Variants in RIMS2 observed in about 807,000 individuals in gnomAD.
RIMS2 encodes the protein regulating synaptic membrane exocytosis protein 2.
RIMS2 carries 59 observed loss-of-function variants against 174.4 expected under a neutral mutation model. That is an observed-to-expected ratio of 0.34 (90% CI 0.27 to 0.42). RIMS2 has a LOEUF of 0.42. Among genes scored for constraint, RIMS2 ranks in the 10% least tolerant of loss-of-function variants. The pLI, the probability that RIMS2 is intolerant of heterozygous loss-of-function variation, is 1.00. For missense variants in RIMS2, 1,620 were observed against 1,666.3 expected (o/e 0.97, Z 0.48); for synonymous variants, 606 against 572.5 (o/e 1.06, Z -0.84).
intron 1 of RIMS2, among the ~76,000 whole-genome samples, chr8:103,635,918 G>T (rs555968690): frequency 8.6e-5 from 13 of 150,712 alleles, no homozygotes; most frequent in Non-Finnish European, 1.5e-4. Context: ...TTGGGCAGGG[G>T]GTAGTTGGAG....
chr8:103,629,635 A>G (rs923832450), intron 1 of RIMS2, among the ~76,000 whole-genome samples: 2 of 152,256 alleles, frequency 1.3e-5, no homozygotes, highest in Non-Finnish European at 2.9e-5. Context: ...TTCAATTCCA[A>G]TGAAAAAATA....
chr8:103,527,904 C>G (rs965028093), intron 1 of RIMS2, among the ~76,000 whole-genome samples: 4 of 152,168 alleles, frequency 2.6e-5, no homozygotes, highest in South Asian at 2.1e-4. Flanking sequence ...GGGTATATAC[C>G]CAGTAACGGG....
At chr8:104,103,108 C>A (rs191346760) in intron 19 of RIMS2, among the ~76,000 whole-genome samples, 1 of 151,544 alleles carries the variant, frequency 6.6e-6, no homozygotes, top group Non-Finnish European at 1.5e-5. Context: ...GCAAAACTTA[C>A]GCTAAGTAAA....
At chr8:103,912,791 G>C (rs932476088) in intron 6 of RIMS2, among the ~76,000 whole-genome samples, 1 of 151,774 alleles carries the variant, frequency 6.6e-6, no homozygotes, top group African/African-American at 2.4e-5. Context: ...TTTGTTTTTT[G>C]TGCATGTAGT....
chr8:103,879,850 A>T lies in RIMS2; in HGVS notation c.699-5448A>T, dbSNP rs1044041227. ...GAGTAGTAATATTAGTATCCAGATAACTGGCTTTTGCTAGGAAGGAATTTG... is the reference window on the plus strand; with the variant it reads ...GAGTAGTAATATTAGTATCCAGATATCTGGCTTTTGCTAGGAAGGAATTTG... On this transcript the variant is annotated intron_variant, in intron 3 of 23. Transcript: ENST00000504942. Among the ~76,000 whole-genome samples the T allele has an allele frequency of 2.0e-5, 3 of 151,658 alleles. No homozygotes were observed. In the South Asian group the frequency reaches 6.2e-4, roughly 31 times the overall value.
In RIMS2 at chr8:104,251,627, G is replaced by A. The variant is rs200286153; in HGVS notation, c.3857G>A (p.Arg1286His). The stretch of plus-strand genomic sequence containing the variant: ...ATCATCGTCTGGGGAGATTATGGCC[G>A]CATGGATCACAAATCTTTTATGGGA... The change falls in exon 24 of 24, where the codon CGC becomes CAC. Residue 1286 changes from arginine (R) to histidine (H), a missense_variant. Arg to His is a conservative substitution (Grantham distance 29). This residue lies in a region of RIMS2 where 225 missense variants were observed against 306.2 expected (regional missense o/e 0.73). Coordinates refer to ENST00000504942, the Ensembl canonical transcript of RIMS2. 3.0e-5 allele frequency: 48 copies of A among 1,603,688 alleles called. No individual in the cohort carries two copies. Among genetic ancestry groups the A allele is most frequent in the African/African-American group, 2.8e-4 (21 of 74,756 alleles).
rs117461719 is a variant in RIMS2 at position 103,859,347 on chromosome 8, T to C, written c.699-25951T>C. Among the ~76,000 whole-genome samples, 745 of 152,190 alleles carry C rather than the reference T, an allele frequency of 4.9e-3. 2 individuals carry two copies. Among genetic ancestry groups the C allele is most frequent in the South Asian group, 9.3e-3 (45 of 4,824 alleles). ...CTAGTGGAGAATGCAGAAGCTTTCT[T>C]CTCCCTTTTCCACCACTTTGGGGAG... On this transcript the variant is annotated intron_variant, in intron 3 of 23. Transcript: ENST00000504942.
chr8:104,227,732 G>A (rs1426375958), intron 19 of RIMS2, among the ~76,000 whole-genome samples: 1 of 152,148 alleles, frequency 6.6e-6, no homozygotes, highest in East Asian at 1.9e-4. Flanking sequence ...TTTATGATCT[G>A]CCACCTTTGT....
chr8:103,512,136 G>T (rs923304002), intron 1 of RIMS2, among the ~76,000 whole-genome samples: 3 of 152,168 alleles, frequency 2.0e-5, no homozygotes, highest in African/African-American at 7.2e-5. Flanking sequence ...GTAACACTGG[G>T]TGTCTATAAG....
intron 4 of RIMS2, among the ~76,000 whole-genome samples, chr8:103,894,649 A>G (rs535670432): frequency 6.6e-6 from 1 of 151,792 alleles, no homozygotes; most frequent in South Asian, 2.1e-4. Context: ...ATGATAGGAA[A>G]CACTAACATT....
chr8:103,525,227 C>CA (rs2130673703), intron 1 of RIMS2, among the ~76,000 whole-genome samples: 1 of 152,080 alleles, frequency 6.6e-6, no homozygotes, highest in East Asian at 1.9e-4. Context: ...GGTAGAAAAA[C>CA]TTTGAAAGTG....
chr8:103,585,138 A>G (rs2093838881), intron 1 of RIMS2, among the ~76,000 whole-genome samples: 1 of 152,188 alleles, frequency 6.6e-6, no homozygotes, highest in Non-Finnish European at 1.5e-5. Context: ...AACATATGAA[A>G]AACAGGTCAT....
At position 103,612,741 on chromosome 8, in the gene RIMS2, G is replaced by C. The variant is rs181469484; in HGVS notation, c.177-84345G>C. Among the ~76,000 whole-genome samples, 62 of 152,242 alleles carry C rather than the reference G, an allele frequency of 4.1e-4. 1 individual carries two copies. The highest frequency in any genetic ancestry group is 1.1e-3 in the African/African-American group (46 of 41,552). On this transcript the variant is annotated intron_variant, in intron 1 of 23. Coordinates refer to ENST00000504942, the Ensembl canonical transcript of RIMS2. ...TTACAGGTGCGTGCCACCATGCCTG[G>C]CTGATTTTTTAGTAGAGACAGGGTT...
At chr8:103,774,467 A>T (rs1282739949) in intron 3 of RIMS2, among the ~76,000 whole-genome samples, 1 of 152,238 alleles carries the variant, frequency 6.6e-6, no homozygotes, top group Non-Finnish European at 1.5e-5. Flanking sequence ...ACTGTGGTAT[A>T]TTCAAGTATA....
intron 19 of RIMS2, among the ~76,000 whole-genome samples, chr8:104,068,974 C>G (rs1391955609): frequency 1.3e-5 from 2 of 151,986 alleles, no homozygotes; most frequent in East Asian, 3.9e-4. Context: ...TGGTTTATTA[C>G]TGAATTATTG....
At chr8:104,165,265 A>G (rs1348104928) in intron 19 of RIMS2, among the ~76,000 whole-genome samples, 2 of 152,182 alleles carry the variant, frequency 1.3e-5, no homozygotes, top group Non-Finnish European at 2.9e-5. Context: ...ACACTTTCAT[A>G]TATTTATGAA....
chr8:103,688,052 A>G (rs1299719645), intron 1 of RIMS2, among the ~76,000 whole-genome samples: 1 of 152,100 alleles, frequency 6.6e-6, no homozygotes, highest in African/African-American at 2.4e-5. Context: ...AAACAGAGAC[A>G]ATTAAATTTC....
chr8:103,868,762 C>G (rs1230413116), intron 3 of RIMS2, among the ~76,000 whole-genome samples: 1 of 151,998 alleles, frequency 6.6e-6, no homozygotes, highest in Non-Finnish European at 1.5e-5. Flanking sequence ...AATATGTTCA[C>G]TTGATATAAT....
intron 16 of RIMS2, chr8:103,977,206 C>G (rs2093521826): frequency 6.6e-6 from 1 of 152,086 alleles, no homozygotes; most frequent in African/African-American, 2.4e-5. Flanking sequence ...GTAACTTAGA[C>G]AATTGCAGAA....
Sources: gnomAD v4.1 joint callset for allele counts (sites outside exome capture counted in the v4.1 genomes callset) on GRCh38, gnomAD v4.1.1 for gene constraint, gnomAD v4.1.1 regional missense constraint, MANE v1.5 for transcripts, NCBI Gene and HGNC (gene_info 2026-07-23, HGNC 2026-07-21) for gene names.